Variants in TANC1 observed in about 807,000 individuals in gnomAD.
TANC1 encodes protein TANC1.
In TANC1, 77 loss-of-function variants were observed where a neutral mutation model predicts 149.7. The ratio of observed to expected loss-of-function variants is 0.51; its 90% confidence interval spans 0.43 to 0.62. The LOEUF is 0.62. TANC1 is among the 20% of genes least tolerant of loss of function. The probability of loss-of-function intolerance (pLI) is 0.00; values close to 1 mark genes in which losing one functional copy is unlikely to be tolerated. For missense variants in TANC1, 1,985 were observed against 2,321.8 expected (o/e 0.85, Z 2.98); for synonymous variants, 854 against 925.0 (o/e 0.92, Z 1.39).
intron 2 of TANC1, among the ~76,000 whole-genome samples, chr2:159,035,611 A>G (rs1395518697): frequency 1.3e-5 from 2 of 152,204 alleles, no homozygotes; most frequent in Admixed American, 6.5e-5. Context: ...CTCTGGTCTC[A>G]TTGACCTTCC....
chr2:159,230,869 C>T lies in TANC1; in HGVS notation c.5443C>T (p.Gln1815Ter). The T allele has an allele frequency of 6.2e-7, 1 of 1,614,188 alleles. No homozygotes were observed. The highest frequency in any genetic ancestry group is 8.5e-7 in the Non-Finnish European group (1 of 1,180,020). Residue 1815 changes from glutamine (Q) to a stop codon, truncating the protein, a stop_gained, in exon 27 of 27, where the codon CAA (glutamine) becomes TAA (stop). Coordinates refer to ENST00000263635, the MANE Select transcript of TANC1 (RefSeq NM_033394.3). LOFTEE classifies it high-confidence loss of function. The surrounding 1 kb of genome is among the most constrained non-coding windows in gnomAD (Gnocchi z 4.4). Reference sequence around the variant, plus strand: ...CAAGTGCCAAATTCCAGTCCACTCTCAAGAGAACAGGATAACTAAGACTGT... The same window carrying T: ...CAAGTGCCAAATTCCAGTCCACTCTTAAGAGAACAGGATAACTAAGACTGT... ...ESKCQIPVHS[Q>*]ENRITKTVSH...
chr2:158,977,049 C>A (rs1433195921), intron 1 of TANC1, among the ~76,000 whole-genome samples: 1 of 152,090 alleles, frequency 6.6e-6, no homozygotes, highest in Non-Finnish European at 1.5e-5. Flanking sequence ...GTTTTAATTA[C>A]ACATAAATTA....
chr2:159,160,685 G>A (rs2053961861), intron 7 of TANC1, among the ~76,000 whole-genome samples: 2 of 152,186 alleles, frequency 1.3e-5, no homozygotes, highest in African/African-American at 4.8e-5. Flanking sequence ...CCAGGAAGGA[G>A]TGTCAATGGA....
chr2:159,201,196 A>C (rs1226091507), intron 19 of TANC1, among the ~76,000 whole-genome samples: 2 of 152,014 alleles, frequency 1.3e-5, no homozygotes, highest in African/African-American at 4.8e-5. Context: ...AAGCCTTCCT[A>C]CTTTCCAGGC....
chr2:159,143,985 AATGTC>A (rs1354801305), intron 5 of TANC1, among the ~76,000 whole-genome samples: 1 of 151,416 alleles, frequency 6.6e-6, no homozygotes, highest in African/African-American at 2.4e-5. Flanking sequence ...TAGTATGATA[AATGTC>A]AATAGACATA....
intron 4 of TANC1, among the ~76,000 whole-genome samples, chr2:159,114,242 G>A (rs902331799): frequency 1.3e-5 from 2 of 152,150 alleles, no homozygotes; most frequent in Non-Finnish European, 2.9e-5. Flanking sequence ...GTCCTCCTGA[G>A]GGGAGGACAG....
intron 4 of TANC1, among the ~76,000 whole-genome samples, chr2:159,120,174 G>A (rs2048699152): frequency 1.3e-5 from 2 of 152,290 alleles, no homozygotes; most frequent in Admixed American, 6.5e-5. Flanking sequence ...TCTGCTGGGG[G>A]ACATGGACAA....
intron 2 of TANC1, among the ~76,000 whole-genome samples, chr2:159,012,850 A>G (rs2037901756): frequency 6.6e-6 from 1 of 152,104 alleles, no homozygotes; most frequent in Non-Finnish European, 1.5e-5. Flanking sequence ...ATTGTTCCTA[A>G]TTCTGTTTCT....
intron 3 of TANC1, among the ~76,000 whole-genome samples, chr2:159,074,727 G>A (rs1283955424): frequency 6.6e-6 from 1 of 151,950 alleles, no homozygotes; most frequent in African/African-American, 2.4e-5. Context: ...TAGTCTGCTT[G>A]AGCTGCCGTA....
rs1318574097 is a variant in TANC1, at chr2:159,137,306, A to C, written c.364+1008A>C. Among the ~76,000 whole-genome samples the C allele has an allele frequency of 2.6e-5, 4 of 152,254 alleles. No homozygotes were observed. In the East Asian group the frequency reaches 7.7e-4, roughly 29 times the overall value. ...GACAATATACTGGAGTGGTGGTAAA[A>C]ATATAGCTAAAAATGAGCTGTGAGG... On this transcript the variant is annotated intron_variant, in intron 5 of 26. Coordinates refer to ENST00000263635, the MANE Select transcript of TANC1 (RefSeq NM_033394.3).
rs185254429 is a variant in TANC1 at position 159,149,334 on chromosome 2, A to G, written c.495+62A>G. The stretch of plus-strand genomic sequence containing the variant: ...TCAGAGGATGAACGAAGCAATAACC[A>G]TCTTCTCCCTTTCCTTGAGCAGGGA... On this transcript the variant is annotated intron_variant, in intron 6 of 26. Transcript: ENST00000263635. 2,399 of 1,605,146 alleles carry G rather than the reference A, an allele frequency of 1.5e-3. 4 individuals are homozygous for G. The highest frequency in any genetic ancestry group is 2.2e-3 in the Admixed American group (132 of 59,966).
chr2:159,130,419 G>A (rs1184110468), intron 4 of TANC1, among the ~76,000 whole-genome samples: 1 of 152,188 alleles, frequency 6.6e-6, no homozygotes, highest in Non-Finnish European at 1.5e-5. Context: ...GTGAGGGCTT[G>A]GGGAGATGGA....
intron 5 of TANC1, among the ~76,000 whole-genome samples, chr2:159,145,900 T>G (rs1384330683): frequency 2.6e-5 from 4 of 152,208 alleles, no homozygotes; most frequent in Non-Finnish European, 5.9e-5. Flanking sequence ...AAGTGAAGTC[T>G]TCTCTCCAGC....
intron 11 of TANC1, 22 bp from the exon 12 acceptor site, chr2:159,174,931 T>C (rs2150508570): frequency 1.9e-6 from 3 of 1,594,646 alleles, no homozygotes; most frequent in East Asian, 2.2e-5. Context: ...GAGGTGATGC[T>C]GACGGTTCTG....
At chr2:159,186,657 C>A (rs1433470015) in intron 15 of TANC1, among the ~76,000 whole-genome samples, 1 of 152,152 alleles carries the variant, frequency 6.6e-6, no homozygotes, top group African/African-American at 2.4e-5. Context: ...GAGAAACTCT[C>A]ATCTGCCATC....
At chr2:159,060,478 G>A (rs919036247) in intron 2 of TANC1, among the ~76,000 whole-genome samples, 1 of 152,234 alleles carries the variant, frequency 6.6e-6, no homozygotes, top group African/African-American at 2.4e-5. Flanking sequence ...ATTGTCTGAT[G>A]TCACATGGAT....
rs534064839 is a variant in TANC1 at position 159,103,250 on chromosome 2, G to A, written c.259+5416G>A. 1.6e-3 allele frequency among the ~76,000 whole-genome samples: 153 copies of A among 95,340 alleles called. 37 individuals carry two copies. Among genetic ancestry groups the A allele is most frequent in the African/African-American group, 4.4e-3 (151 of 34,476 alleles). The allele number at this position is 95,340 out of a possible 152,430, so 62.5% of individuals were successfully genotyped here. Reference sequence around the variant, plus strand: ...ACAAACATCTCTGATATCTCCTTGGGGTAGCAGGTTCCCAGCAGTGGAATT... The same window carrying A: ...ACAAACATCTCTGATATCTCCTTGGAGTAGCAGGTTCCCAGCAGTGGAATT... On this transcript the variant is annotated intron_variant, in intron 4 of 26. Transcript: ENST00000263635.
chr2:159,223,842 A>G (rs2059852665), intron 22 of TANC1, among the ~76,000 whole-genome samples: 1 of 152,138 alleles, frequency 6.6e-6, no homozygotes. Context: ...TAAAGTCACC[A>G]CTGCTGTGGC....
Position 159,128,550 on chromosome 2 carries a change from G to C in TANC1, c.260-7644G>C, listed in dbSNP as rs144139008. ...TTCATTTTCTGTCTCCTTCCCCCAAGGTGAATCTTCCCAAGAGGCTCTTAC... is the reference window on the plus strand; with the variant it reads ...TTCATTTTCTGTCTCCTTCCCCCAACGTGAATCTTCCCAAGAGGCTCTTAC... On this transcript the variant is annotated intron_variant, in intron 4 of 26. Coordinates refer to ENST00000263635, the MANE Select transcript of TANC1 (RefSeq NM_033394.3). 9.9e-5 allele frequency among the ~76,000 whole-genome samples: 15 copies of C among 152,274 alleles called. No homozygotes were observed. The East Asian group carries it at 2.5e-3, about 25-fold the overall frequency.
Sources: allele counts gnomAD v4.1 joint callset (sites outside exome capture counted in the v4.1 genomes callset), GRCh38; gene constraint gnomAD v4.1.1; non-coding constraint Gnocchi (gnomAD v3.1); transcripts MANE v1.5; gene names NCBI Gene and HGNC (gene_info 2026-07-23, HGNC 2026-07-21).